Variants in USP48 observed in about 807,000 individuals in gnomAD.
The protein encoded by USP48 is ubiquitin carboxyl-terminal hydrolase 48.
A neutral mutation model predicts 150.7 loss-of-function variants in USP48; 43 were observed. That is an observed-to-expected ratio of 0.29 (90% CI 0.22 to 0.37). The LOEUF (loss-of-function observed/expected upper bound fraction) is 0.37. Ranked by LOEUF, USP48 falls within the 10% of genes least tolerant of loss-of-function variation. The probability of loss-of-function intolerance (pLI) is 1.00; values close to 1 mark genes in which losing one functional copy is unlikely to be tolerated. For synonymous variants in USP48, 396 were observed against 425.9 expected, an observed-to-expected ratio of 0.93 and a Z score of 0.86; for missense variants, 813 against 1,249.6, an observed-to-expected ratio of 0.65 and a Z score of 5.27.
intron 9 of USP48, among the ~76,000 whole-genome samples, chr1:21,735,112 T>C (rs754711097): frequency 9.9e-5 from 15 of 152,178 alleles, no homozygotes; most frequent in Non-Finnish European, 1.6e-4. Flanking sequence ...AGGAAAATAA[T>C]TACAAATCCT....
intron 1 of USP48, among the ~76,000 whole-genome samples, chr1:21,765,619 A>AG (rs917500838): frequency 6.6e-5 from 10 of 150,904 alleles, no homozygotes; most frequent in Admixed American, 6.0e-4. Context: ...TCTGTCAAAA[A>AG]AAAAAAGGGG....
intron 22 of USP48, among the ~76,000 whole-genome samples, chr1:21,697,439 G>A (rs894607686): frequency 9.2e-5 from 14 of 152,196 alleles, no homozygotes; most frequent in East Asian, 7.7e-4. Flanking sequence ...CAAGGTGGGC[G>A]GATCACAAGG....
intron 15 of USP48, among the ~76,000 whole-genome samples, chr1:21,711,365 G>T (rs1316237706): frequency 6.6e-6 from 1 of 152,112 alleles, no homozygotes; most frequent in Non-Finnish European, 1.5e-5. Context: ...TAGATGCTCA[G>T]TCCCCTTCTC....
At chr1:21,738,603 C>G (rs2097774111) in intron 8 of USP48, among the ~76,000 whole-genome samples, 1 of 151,908 alleles carries the variant, frequency 6.6e-6, no homozygotes, top group African/African-American at 2.4e-5. Flanking sequence ...AGTGGTCCAT[C>G]TGCCTCGGCC....
chr1:21,763,835 G>A (rs2152623875), intron 1 of USP48, among the ~76,000 whole-genome samples: 1 of 152,044 alleles, frequency 6.6e-6, no homozygotes, highest in African/African-American at 2.4e-5. Flanking sequence ...AAGGGAGGAA[G>A]GAAGGGAGGG....
intron 1 of USP48, among the ~76,000 whole-genome samples, chr1:21,761,305 T>TC (rs1300646751): frequency 6.6e-6 from 1 of 151,742 alleles, no homozygotes; most frequent in Non-Finnish European, 1.5e-5. Flanking sequence ...TTTTTTTTTT[T>TC]TTTGAGACTC....
chr1:21,707,288 C>T (rs1387651865), intron 15 of USP48, among the ~76,000 whole-genome samples: 1 of 152,200 alleles, frequency 6.6e-6, no homozygotes, highest in Non-Finnish European at 1.5e-5. Context: ...TCATTTCCTG[C>T]AGACTTTATT....
chr1:21,764,077 A>G (rs2097856225), intron 1 of USP48, among the ~76,000 whole-genome samples: 1 of 152,140 alleles, frequency 6.6e-6, no homozygotes, highest in Non-Finnish European at 1.5e-5. Context: ...TACAGTAGAA[A>G]AACAGTTATG....
At position 21,752,656 on chromosome 1, in the gene USP48, A is replaced by G. The variant is rs1357445671; in HGVS notation, c.541-5T>C. ...CTTTGAAAATTCTTGAGCATCCTACAAGTTTAGGTTAATGAAAAGAAAAAT... is the reference window on the plus strand; with the variant it reads ...CTTTGAAAATTCTTGAGCATCCTACGAGTTTAGGTTAATGAAAAGAAAAAT... On this transcript the variant is annotated splice_polypyrimidine_tract_variant and splice_region_variant and intron_variant, in intron 4 of 26. Transcript: ENST00000308271. 8.2e-6 allele frequency: 13 copies of G among 1,587,210 alleles called. No homozygotes were observed. Among genetic ancestry groups the G allele is most frequent in the Non-Finnish European group, 1.1e-5 (13 of 1,172,580 alleles).
intron 24 of USP48, 143 bp downstream of exon 24, chr1:21,689,831 G>T: frequency 9.0e-7 from 1 of 1,115,346 alleles, no homozygotes; most frequent in Non-Finnish European, 1.3e-6. Flanking sequence ...GTTGGGCTGA[G>T]CTGCAAAAAC....
At chr1:21,690,439 G>A (rs1416844636) in intron 23 of USP48, among the ~76,000 whole-genome samples, 1 of 152,128 alleles carries the variant, frequency 6.6e-6, no homozygotes, top group Non-Finnish European at 1.5e-5. Flanking sequence ...GCTTGGGCAA[G>A]GTCATCACTG....
chr1:21,765,667 G>A (rs1396365233), intron 1 of USP48, among the ~76,000 whole-genome samples: 5 of 151,376 alleles, frequency 3.3e-5, no homozygotes, highest in South Asian at 2.1e-4. Context: ...GAGACGTTCC[G>A]AAGCTAAACA....
intron 9 of USP48, among the ~76,000 whole-genome samples, chr1:21,734,694 T>C (rs2097764825): frequency 6.6e-6 from 1 of 152,244 alleles, no homozygotes; most frequent in African/African-American, 2.4e-5. Flanking sequence ...TGAAATGATA[T>C]GACCACACTT....
intron 1 of USP48, among the ~76,000 whole-genome samples, chr1:21,780,803 C>G (rs1341335544): frequency 7.3e-6 from 1 of 136,206 alleles, no homozygotes; most frequent in Non-Finnish European, 1.5e-5. Context: ...AGTGCAGTGG[C>G]GTGATCTCGG....
chr1:21,733,036 G>T lies in USP48; in HGVS notation c.1172-3204C>A, dbSNP rs569584667. On this transcript the variant is annotated intron_variant, in intron 9 of 26. Transcript: ENST00000308271. ...TTACAGACAACGCCTGAACAAAAAAGGTTGGAAGATCACTGTACTGTCACA... is the reference window on the plus strand; with the variant it reads ...TTACAGACAACGCCTGAACAAAAAATGTTGGAAGATCACTGTACTGTCACA... 3.9e-5 allele frequency among the ~76,000 whole-genome samples: 6 copies of T among 152,222 alleles called. No individual in the cohort carries two copies. The South Asian group carries it at 1.2e-3, about 32-fold the overall frequency.
At chr1:21,732,135 C>G (rs1048478231) in intron 9 of USP48, among the ~76,000 whole-genome samples, 8 of 152,042 alleles carry the variant, frequency 5.3e-5, no homozygotes, top group African/African-American at 1.9e-4. Flanking sequence ...AATAATTAGC[C>G]AGGCATGGTG....
At chr1:21,689,050 T>C (rs975124033) in intron 24 of USP48, among the ~76,000 whole-genome samples, 3 of 151,954 alleles carry the variant, frequency 2.0e-5, no homozygotes, top group Admixed American at 6.6e-5. Context: ...CTATGACGTA[T>C]GGTTAAGTAA....
chr1:21,698,330 A>T (rs1352999503), intron 22 of USP48, among the ~76,000 whole-genome samples: 1 of 152,238 alleles, frequency 6.6e-6, no homozygotes, highest in African/African-American at 2.4e-5. Context: ...GAAGAAAATT[A>T]TAAAGTATAA....
intron 22 of USP48, among the ~76,000 whole-genome samples, chr1:21,699,345 C>T (rs2097647964): frequency 6.6e-6 from 1 of 150,728 alleles, no homozygotes; most frequent in Non-Finnish European, 1.5e-5. Flanking sequence ...ACTACAGGTG[C>T]CCGCCACCAC....
Sources: allele counts gnomAD v4.1 joint callset (sites outside exome capture counted in the v4.1 genomes callset), GRCh38; gene constraint gnomAD v4.1.1; transcripts MANE v1.5; gene names NCBI Gene and HGNC (gene_info 2026-07-23, HGNC 2026-07-21).